The following SAMD4A variants were observed in gnomAD, a reference collection of about 807,000 sequenced individuals.
SAMD4A encodes protein Smaug homolog 1.
Under a neutral mutation model 81.3 loss-of-function variants are expected in SAMD4A, and 33 were observed. The ratio of observed to expected loss-of-function variants is 0.41; its 90% CI spans 0.31 to 0.54. The LOEUF is 0.54. Ranked by LOEUF, SAMD4A falls within the 20% of genes least tolerant of loss-of-function variation. The pLI, the probability that SAMD4A is intolerant of heterozygous loss-of-function variation, is 0.37. For synonymous variants in SAMD4A, 389 were observed against 382.1 expected (o/e 1.02, Z -0.21); for missense variants, 854 against 951.1 (o/e 0.90, Z 1.34).
chr14:54,784,894 T>G (rs1180609700), intron 12 of SAMD4A, among the ~76,000 whole-genome samples: 1 of 152,036 alleles, frequency 6.6e-6, no homozygotes, highest in Non-Finnish European at 1.5e-5. Context: ...CCCCAGAAGC[T>G]CCACCTCCCA....
intron 2 of SAMD4A, among the ~76,000 whole-genome samples, chr14:54,632,923 G>T (rs2140345104): frequency 6.6e-6 from 1 of 152,306 alleles, no homozygotes; most frequent in South Asian, 2.1e-4. Context: ...CCTATTGAAG[G>T]ATAGTGAAGT....
chr14:54,754,542 C>T (rs1478977407), intron 6 of SAMD4A, among the ~76,000 whole-genome samples: 1 of 152,138 alleles, frequency 6.6e-6, no homozygotes, highest in Non-Finnish European at 1.5e-5. Context: ...CATCCCCTGG[C>T]CCTCCTCTGT....
intron 2 of SAMD4A, among the ~76,000 whole-genome samples, chr14:54,639,353 A>T (rs544328418): frequency 4.2e-4 from 64 of 152,168 alleles, no homozygotes; most frequent in Non-Finnish European, 7.4e-4. Context: ...GAGCCTGGTG[A>T]AGTTTCTCAG....
At chr14:54,743,639 C>T (rs968467518) in intron 4 of SAMD4A, among the ~76,000 whole-genome samples, 4 of 152,200 alleles carry the variant, frequency 2.6e-5, no homozygotes, top group Admixed American at 6.5e-5. Context: ...AGGTTAGGCC[C>T]TCTTTGTGTC....
At chr14:54,671,659 G>T (rs1247701372) in intron 2 of SAMD4A, among the ~76,000 whole-genome samples, 1 of 152,192 alleles carries the variant, frequency 6.6e-6, no homozygotes, top group Admixed American at 6.5e-5. Flanking sequence ...CACGTGGAAC[G>T]AACTCAGTCT....
chr14:54,568,148 G>C (rs2032997879), intron 2 of SAMD4A, 36 bp downstream of exon 2: 2 of 1,434,864 alleles, frequency 1.4e-6, no homozygotes, highest in Non-Finnish European at 1.8e-6. Context: ...CGTCCCGCCT[G>C]CCCAACCCCC....
intron 4 of SAMD4A, among the ~76,000 whole-genome samples, chr14:54,747,479 TC>T (rs1441683206): frequency 6.6e-6 from 1 of 152,238 alleles, no homozygotes; most frequent in Non-Finnish European, 1.5e-5. Context: ...ATTTATCTAC[TC>T]TAAACATTGA....
chr14:54,754,176 A>G (rs756326334), intron 6 of SAMD4A, among the ~76,000 whole-genome samples: 1 of 152,184 alleles, frequency 6.6e-6, no homozygotes, highest in African/African-American at 2.4e-5. Context: ...ACCAGGTAGC[A>G]AGGGTGACCC....
intron 2 of SAMD4A, among the ~76,000 whole-genome samples, chr14:54,628,416 G>T: frequency 6.6e-6 from 1 of 152,140 alleles, no homozygotes; most frequent in Non-Finnish European, 1.5e-5. Context: ...CATGGATGAA[G>T]AATATTTACT....
chr14:54,604,640 G>A (rs1385682469), intron 2 of SAMD4A, among the ~76,000 whole-genome samples: 1 of 152,046 alleles, frequency 6.6e-6, no homozygotes, highest in African/African-American at 2.4e-5. Context: ...TATACATGTT[G>A]CTTATAAATC....
intron 2 of SAMD4A, among the ~76,000 whole-genome samples, chr14:54,692,211 A>G (rs1215252184): frequency 6.6e-6 from 1 of 152,226 alleles, no homozygotes; most frequent in African/African-American, 2.4e-5. Flanking sequence ...GTAAAGATAT[A>G]GAATGGCTCC....
At chr14:54,685,099 A>AT (rs145516979) in intron 2 of SAMD4A, among the ~76,000 whole-genome samples, 4,676 of 152,224 alleles carry the variant, frequency 0.031, 136 homozygotes, top group East Asian at 0.091. Flanking sequence ...ATCTTTTTGT[A>AT]TTTTTTTATC....
chr14:54,677,266 G>C (rs2036013061), intron 2 of SAMD4A, among the ~76,000 whole-genome samples: 1 of 152,160 alleles, frequency 6.6e-6, no homozygotes, highest in East Asian at 1.9e-4. Context: ...ATTGGTCATG[G>C]TGTTAGAATC....
chr14:54,591,701 C>T (rs2033780863), intron 2 of SAMD4A, among the ~76,000 whole-genome samples: 1 of 152,158 alleles, frequency 6.6e-6, no homozygotes. Flanking sequence ...TTTTCTACAG[C>T]TCCTGTGCCT....
At chr14:54,701,315 A>G (rs1223642605) in intron 2 of SAMD4A, among the ~76,000 whole-genome samples, 1 of 152,136 alleles carries the variant, frequency 6.6e-6, no homozygotes, top group Non-Finnish European at 1.5e-5. Flanking sequence ...GAATGTTCCT[A>G]ATGCCACTGA....
intron 12 of SAMD4A, among the ~76,000 whole-genome samples, chr14:54,788,073 C>T (rs1426814339): frequency 1.3e-5 from 2 of 152,014 alleles, no homozygotes; most frequent in Non-Finnish European, 2.9e-5. Flanking sequence ...AGATTCTGGG[C>T]GGCCTCAGCA....
chr14:54,603,469 G>A (rs1212526634), intron 2 of SAMD4A, among the ~76,000 whole-genome samples: 1 of 152,206 alleles, frequency 6.6e-6, no homozygotes, highest in Non-Finnish European at 1.5e-5. Context: ...AGTAGGAACT[G>A]ATCAGCTTAT....
At chr14:54,634,944 T>A (rs1410075150) in intron 2 of SAMD4A, among the ~76,000 whole-genome samples, 1 of 152,216 alleles carries the variant, frequency 6.6e-6, no homozygotes, top group East Asian at 1.9e-4. Context: ...AGCCAAGAAC[T>A]AAAGTTTGGG....
intron 2 of SAMD4A, among the ~76,000 whole-genome samples, chr14:54,595,208 A>C (rs1206973731): frequency 6.6e-6 from 1 of 152,138 alleles, no homozygotes; most frequent in Non-Finnish European, 1.5e-5. Context: ...TAGCCATTTT[A>C]GTTCACTCTA....
Sources: allele counts gnomAD v4.1 joint callset (sites outside exome capture counted in the v4.1 genomes callset), GRCh38; gene constraint gnomAD v4.1.1; transcripts MANE v1.5; gene names NCBI Gene and HGNC (gene_info 2026-07-23, HGNC 2026-07-21).